Variants in DENR observed in about 807,000 individuals in gnomAD.
DENR encodes the protein density-regulated protein.
DENR carries 6 observed loss-of-function variants against 30.6 expected under a neutral mutation model. The observed-to-expected ratio is 0.20, with a 90% CI of 0.11 to 0.39. The LOEUF (loss-of-function observed/expected upper bound fraction) is 0.39. DENR is among the 10% of genes least tolerant of loss of function. The pLI is 1.00. For synonymous variants in DENR, 78 were observed against 72.1 expected, an observed-to-expected ratio of 1.08 and a Z score of -0.41; for missense variants, 141 against 230.9, an observed-to-expected ratio of 0.61 and a Z score of 2.52.
rs544281742 is a variant in DENR at position 122,770,111 on chromosome 12, T to C, written c.*1033T>C. 1 of 152,782 alleles carries C rather than the reference T, an allele frequency of 6.5e-6. No individual in the cohort carries two copies. The highest frequency in any genetic ancestry group is 2.4e-5 in the African/African-American group (1 of 41,548). 9.5% of individuals were successfully genotyped at this position (152,782 alleles called of 1,614,324 possible). On this transcript the variant is annotated 3_prime_UTR_variant, in exon 8 of 8. Transcript: ENST00000280557. ...ATTCTGGAGATTATTTGGTAAAGTATACTAAAAGCCTTAAAACCATGTATG... is the reference window on the plus strand; with the variant it reads ...ATTCTGGAGATTATTTGGTAAAGTACACTAAAAGCCTTAAAACCATGTATG...
intron 2 of DENR, among the ~76,000 whole-genome samples, chr12:122,754,745 G>A (rs1029016683): frequency 3.9e-5 from 6 of 152,126 alleles, no homozygotes; most frequent in African/African-American, 1.4e-4. Context: ...TTTTGAGCAG[G>A]AAAATAAAGT....
chr12:122,764,525 G>A (rs1260120), intron 4 of DENR, among the ~76,000 whole-genome samples: 121,301 of 152,042 alleles, frequency 0.8, 49,343 homozygotes, highest in Middle Eastern at 0.9. Flanking sequence ...GCGTGAATCC[G>A]GGAGGCAGAG....
At chr12:122,765,509 T>G (rs1231710153) in intron 5 of DENR, 122 bp downstream of exon 5, 4 of 804,428 alleles carry the variant, frequency 5.0e-6, no homozygotes, top group Non-Finnish European at 5.9e-6. Context: ...CACAGCTTCT[T>G]AGGGGGCTGA....
chr12:122,768,668 A>G, intron 6 of DENR, 114 bp from the exon 7 acceptor site: 1 of 933,664 alleles, frequency 1.1e-6, no homozygotes, highest in African/African-American at 1.7e-5. Context: ...GGAATATAAA[A>G]CCCATTAACA....
At position 122,770,624 on chromosome 12, in the gene DENR, C is replaced by G; in HGVS notation, c.*1546C>G. On this transcript the variant is annotated 3_prime_UTR_variant, in exon 8 of 8. Transcript: ENST00000280557. The stretch of plus-strand genomic sequence containing the variant: ...TAATGATGTATTTGATGAATTTAAA[C>G]TTTAAGTCAGGTGCTGCAAATTGGA... 2.5e-6 allele frequency: 1 copy of G among 398,484 alleles called. No individual in the cohort carries two copies. Among genetic ancestry groups the G allele is most frequent in the Non-Finnish European group, 4.4e-6 (1 of 226,030 alleles). 24.7% of individuals were successfully genotyped at this position (398,484 alleles called of 1,614,324 possible).
intron 2 of DENR, 192 bp downstream of exon 2, chr12:122,753,999 C>G (rs890370602): frequency 1.6e-6 from 1 of 609,704 alleles, no homozygotes; most frequent in Non-Finnish European, 3.0e-6. Context: ...TGTCTGGCTA[C>G]TCTGCCTGAA....
At chr12:122,754,195 A>G in intron 2 of DENR, 1 of 235,678 alleles carries the variant, frequency 4.2e-6, no homozygotes, top group Non-Finnish European at 8.7e-6. Context: ...ATGTAAGAAA[A>G]AGCTTGATGG....
In DENR at chr12:122,770,101, T is replaced by C. The variant is rs2135514467; in HGVS notation, c.*1023T>C. 6.5e-6 allele frequency: 1 copy of C among 152,756 alleles called. No homozygotes were observed. Among genetic ancestry groups the C allele is most frequent in the Non-Finnish European group, 1.5e-5 (1 of 68,058 alleles). The allele number at this position is 152,756 out of a possible 1,614,324, so 9.5% of individuals were successfully genotyped here. A position where few individuals can be genotyped will look rare whatever the true frequency, so the allele number is the denominator to read the frequency against. On this transcript the variant is annotated 3_prime_UTR_variant, in exon 8 of 8. Transcript: ENST00000280557. ...TGTTTGAGCTATTCTGGAGATTATT[T>C]GGTAAAGTATACTAAAAGCCTTAAA...
At position 122,754,517 on chromosome 12, in the gene DENR, A is replaced by G. The variant is rs116967486; in HGVS notation, c.106+710A>G. Among the ~76,000 whole-genome samples the G allele has an allele frequency of 4.2e-3, 646 of 152,306 alleles. 3 individuals carry two copies. The highest frequency in any genetic ancestry group is 7.0e-3 in the Non-Finnish European group (475 of 68,032). On this transcript the variant is annotated intron_variant, in intron 2 of 7. Transcript: ENST00000280557. ...GGGCAAGTAAATATTTTTTCAGTAA[A>G]TATTTCTCAGAACTTACTGTGTGCC... is the stretch of plus-strand genomic sequence containing the variant.
chr12:122,753,690 C>T lies in DENR; in HGVS notation c.-9-3C>T. 6.2e-7 allele frequency: 1 copy of T among 1,611,094 alleles called. No individual in the cohort carries two copies. The highest frequency in any genetic ancestry group is 8.5e-7 in the Non-Finnish European group (1 of 1,177,348). ...GAGGGTGTGTTATTTTCCTTGCTTA[C>T]AGGTTTGTGAAATGGCTGCTGACAT... On this transcript the variant is annotated splice_polypyrimidine_tract_variant and splice_region_variant and intron_variant, in intron 1 of 7. Transcript: ENST00000280557.
At chr12:122,758,492 T>C (rs1878609427) in intron 2 of DENR, among the ~76,000 whole-genome samples, 1 of 152,236 alleles carries the variant, frequency 6.6e-6, no homozygotes, top group African/African-American at 2.4e-5. Flanking sequence ...TCCCATTCCA[T>C]GTTTCCATGT....
chr12:122,769,492 CT>C lies in DENR; in HGVS notation c.*417del. The C allele has an allele frequency of 1.0e-6, 1 of 972,754 alleles. No individual in the cohort carries two copies. Among genetic ancestry groups the C allele is most frequent in the Non-Finnish European group, 1.2e-6 (1 of 823,026 alleles). The allele number at this position is 972,754 out of a possible 1,614,324, so 60.3% of individuals were successfully genotyped here. A position where few individuals can be genotyped will look rare whatever the true frequency, so the allele number is the denominator to read the frequency against. ...AAAAATTTTGGTCATTTGGTACTGA[CT>C]TTCTCTCTCTCTCTCTCTCTCTTTT... On this transcript the variant is annotated 3_prime_UTR_variant, in exon 8 of 8. Coordinates refer to ENST00000280557, the MANE Select transcript of DENR (RefSeq NM_003677.5).
intron 2 of DENR, among the ~76,000 whole-genome samples, chr12:122,759,573 T>C (rs2135509388): frequency 1.3e-5 from 2 of 152,160 alleles, no homozygotes; most frequent in Middle Eastern, 6.8e-3. Context: ...ATACAAAAAT[T>C]AGCTGGGTGT....
intron 5 of DENR, among the ~76,000 whole-genome samples, chr12:122,765,927 C>T (rs1462991852): frequency 1.3e-5 from 2 of 152,070 alleles, no homozygotes; most frequent in Non-Finnish European, 2.9e-5. Context: ...GTTGCATACA[C>T]TTGACTCCTT....
intron 2 of DENR, among the ~76,000 whole-genome samples, chr12:122,761,756 A>G (rs1303609466): frequency 6.6e-6 from 1 of 152,182 alleles, no homozygotes; most frequent in African/African-American, 2.4e-5. Flanking sequence ...TGGAGGCTGC[A>G]TTGAGCCATG....
rs139246019 is a variant in DENR at position 122,761,377 on chromosome 12, A to G, written c.107-810A>G. On this transcript the variant is annotated intron_variant, in intron 2 of 7. Coordinates refer to ENST00000280557, the MANE Select transcript of DENR (RefSeq NM_003677.5). ...CAGTGAGCCGAGATCGTGCCTCTGC[A>G]CTCCAGCCTGGCAGAAAGAGCAAGA... Among the ~76,000 whole-genome samples the G allele has an allele frequency of 2.1e-3, 324 of 152,246 alleles. 2 individuals carry two copies. Among genetic ancestry groups the G allele is most frequent in the African/African-American group, 7.5e-3 (311 of 41,532 alleles).
Position 122,762,828 on chromosome 12 carries a change from CTT to C in DENR, c.127-9_127-8del. 6.9e-7 allele frequency: 1 copy of C among 1,455,262 alleles called. No individual in the cohort carries two copies. Among genetic ancestry groups the C allele is most frequent in the Admixed American group, 2.3e-5 (1 of 43,744 alleles). 90.1% of individuals were successfully genotyped at this position (1,455,262 alleles called of 1,614,324 possible). A position where few individuals can be genotyped will look rare whatever the true frequency, so the allele number is the denominator to read the frequency against. Reference sequence around the variant, plus strand: ...GAAAATGTTTTGTTGTGACTCAGTTCTTTTTTTTTCTCCTAGTACTGTGAATA... The same window carrying C: ...GAAAATGTTTTGTTGTGACTCAGTTCTTTTTTTCTCCTAGTACTGTGAATA... On this transcript the variant is annotated splice_polypyrimidine_tract_variant and intron_variant, in intron 3 of 7. Coordinates refer to ENST00000280557, the MANE Select transcript of DENR (RefSeq NM_003677.5).
chr12:122,758,139 T>C (rs1878599387), intron 2 of DENR, among the ~76,000 whole-genome samples: 1 of 152,200 alleles, frequency 6.6e-6, no homozygotes. Context: ...TGGCGTGATC[T>C]CGGCTCACTG....
At chr12:122,762,728 A>T (rs907559052) in intron 3 of DENR, 117 bp from the exon 4 acceptor site, 1 of 689,546 alleles carries the variant, frequency 1.5e-6, no homozygotes, top group African/African-American at 1.9e-5. Context: ...AAGAAGTCAG[A>T]TGGGAGTGGT....
Sources: gnomAD v4.1 joint callset for allele counts (sites outside exome capture counted in the v4.1 genomes callset) on GRCh38, gnomAD v4.1.1 for gene constraint, MANE v1.5 for transcripts, NCBI Gene and HGNC (gene_info 2026-07-23, HGNC 2026-07-21) for gene names.